Variants in CSMD3 observed in about 807,000 individuals in gnomAD.
The protein encoded by CSMD3 is CUB and Sushi multiple domains 3, also known as CUB and sushi domain-containing protein 3.
Under a neutral mutation model 435.2 loss-of-function variants are expected in CSMD3, and 177 were observed. That is an observed-to-expected ratio of 0.41 (90% CI 0.36 to 0.46). The LOEUF is 0.46. Among genes scored for constraint, CSMD3 ranks in the 20% least tolerant of loss-of-function variants. The probability of loss-of-function intolerance (pLI) is 0.34; values close to 1 mark genes in which losing one functional copy is unlikely to be tolerated. For missense variants in CSMD3, 4,265 were observed against 4,504.6 expected, an observed-to-expected ratio of 0.95 and a Z score of 1.52; for synonymous variants, 1,656 against 1,520.5, an observed-to-expected ratio of 1.09 and a Z score of -2.07.
intron 13 of CSMD3, among the ~76,000 whole-genome samples, chr8:112,690,337 A>T (rs923662970): frequency 6.6e-6 from 1 of 151,990 alleles, no homozygotes; most frequent in Non-Finnish European, 1.5e-5. Context: ...ATAAGATCTC[A>T]TATTTTCTCT....
intron 10 of CSMD3, among the ~76,000 whole-genome samples, chr8:112,877,586 C>CA (rs2081323508): frequency 6.6e-6 from 1 of 151,738 alleles, no homozygotes. Context: ...CATATGGAAC[C>CA]AAAAAAGAGT....
chr8:113,266,153 C>A (rs551328408), intron 3 of CSMD3, among the ~76,000 whole-genome samples: 1 of 142,834 alleles, frequency 7.0e-6, no homozygotes, highest in African/African-American at 2.6e-5. Flanking sequence ...ATTTTTAAAG[C>A]TTAGTAGTTG....
chr8:113,370,241 A>C (rs368937843), intron 1 of CSMD3, among the ~76,000 whole-genome samples: 17 of 151,618 alleles, frequency 1.1e-4, no homozygotes, highest in African/African-American at 3.9e-4. Flanking sequence ...AGGATTGCTC[A>C]CAAAAGGAAA....
At chr8:113,372,128 T>C (rs1321456633) in intron 1 of CSMD3, among the ~76,000 whole-genome samples, 3 of 152,178 alleles carry the variant, frequency 2.0e-5, no homozygotes, top group South Asian at 2.1e-4. Context: ...TTTTATCTTA[T>C]ATTTTAAATA....
chr8:112,719,981 A>G (rs1001140946), intron 13 of CSMD3, among the ~76,000 whole-genome samples: 6 of 152,194 alleles, frequency 3.9e-5, no homozygotes, highest in Non-Finnish European at 7.3e-5. Context: ...AGAGACGAAG[A>G]ACCTATCTTT....
At chr8:112,633,596 C>T (rs1243363956) in intron 22 of CSMD3, among the ~76,000 whole-genome samples, 1 of 151,972 alleles carries the variant, frequency 6.6e-6, no homozygotes, top group East Asian at 1.9e-4. Flanking sequence ...AACTTAAATG[C>T]AGAGCTTGTG....
intron 27 of CSMD3, among the ~76,000 whole-genome samples, chr8:112,527,536 A>T (rs1200506867): frequency 2.6e-5 from 4 of 151,982 alleles, no homozygotes; most frequent in African/African-American, 9.7e-5. Context: ...AAGTGAAGTA[A>T]TGATATTGAA....
intron 9 of CSMD3, 73 bp downstream of exon 9, chr8:112,947,717 A>T: frequency 1.4e-6 from 1 of 718,066 alleles, no homozygotes; most frequent in African/African-American, 1.8e-5. Context: ...TTATATTATT[A>T]GCTACTTTAA....
At chr8:113,398,391 A>G (rs529874691) in intron 1 of CSMD3, among the ~76,000 whole-genome samples, 1 of 152,312 alleles carries the variant, frequency 6.6e-6, no homozygotes, top group South Asian at 2.1e-4. Flanking sequence ...TCATTATTGC[A>G]TCAGTGACAC....
At chr8:112,992,817 C>CTGTG (rs112676787) in intron 6 of CSMD3, among the ~76,000 whole-genome samples, 7 of 149,758 alleles carry the variant, frequency 4.7e-5, no homozygotes, top group African/African-American at 1.7e-4. Flanking sequence ...GTATGTGCCT[C>CTGTG]TGTGTGTGTG....
chr8:112,339,551 G>T (rs1440910071), intron 42 of CSMD3, among the ~76,000 whole-genome samples: 3 of 151,884 alleles, frequency 2.0e-5, no homozygotes, highest in African/African-American at 7.3e-5. Context: ...TGCTTTGCTG[G>T]GCGTTTTGTC....
intron 4 of CSMD3, among the ~76,000 whole-genome samples, chr8:113,153,657 A>G (rs2091877048): frequency 6.6e-6 from 1 of 152,046 alleles, no homozygotes. Flanking sequence ...GTTGCCATTA[A>G]AGGTTGTGAA....
At chr8:113,395,508 C>T (rs2094479510) in intron 1 of CSMD3, among the ~76,000 whole-genome samples, 1 of 150,856 alleles carries the variant, frequency 6.6e-6, no homozygotes, top group African/African-American at 2.4e-5. Context: ...ATTCGGGAGG[C>T]TGAGGCAGGA....
intron 5 of CSMD3, among the ~76,000 whole-genome samples, chr8:113,058,188 T>C (rs2088435861): frequency 6.6e-6 from 1 of 151,972 alleles, no homozygotes; most frequent in African/African-American, 2.4e-5. Context: ...TATTACCCTA[T>C]CAAGAAAGCT....
At chr8:112,816,091 T>A (rs1444055900) in intron 12 of CSMD3, among the ~76,000 whole-genome samples, 1 of 152,160 alleles carries the variant, frequency 6.6e-6, no homozygotes, top group East Asian at 1.9e-4. Context: ...TCATGGCATA[T>A]CTACAGCTCA....
At chr8:112,313,675 G>T (rs549347079) in intron 49 of CSMD3, among the ~76,000 whole-genome samples, 5 of 151,820 alleles carry the variant, frequency 3.3e-5, no homozygotes, top group African/African-American at 1.2e-4. Context: ...TGACATATAA[G>T]TCATAAATAT....
At chr8:113,061,262 C>T (rs2088600631) in intron 5 of CSMD3, among the ~76,000 whole-genome samples, 1 of 152,064 alleles carries the variant, frequency 6.6e-6, no homozygotes, top group Non-Finnish European at 1.5e-5. Context: ...AAAATTGTAG[C>T]TACACATTAT....
intron 10 of CSMD3, among the ~76,000 whole-genome samples, chr8:112,869,537 T>C (rs1477071922): frequency 2.0e-5 from 3 of 152,224 alleles, no homozygotes; most frequent in South Asian, 2.1e-4. Context: ...ACTGGGTATA[T>C]ACCCAAAGGA....
chr8:112,962,879 A>G (rs960643653), intron 7 of CSMD3, among the ~76,000 whole-genome samples: 2 of 151,928 alleles, frequency 1.3e-5, no homozygotes, highest in South Asian at 4.1e-4. Context: ...AAATTGTGAC[A>G]TTGCATTAGA....
Sources: gnomAD v4.1 joint callset for allele counts (sites outside exome capture counted in the v4.1 genomes callset) on GRCh38, gnomAD v4.1.1 for gene constraint, MANE v1.5 for transcripts, NCBI Gene and HGNC (gene_info 2026-07-23, HGNC 2026-07-21) for gene names.